The following GPHN variants were observed in gnomAD, a reference collection of about 807,000 sequenced individuals.
The protein encoded by GPHN is gephyrin.
In GPHN, 17 loss-of-function variants were observed where a neutral mutation model predicts 95.5. The observed-to-expected ratio is 0.18, with a 90% CI of 0.12 to 0.27. The LOEUF (loss-of-function observed/expected upper bound fraction) is 0.27. Among genes scored for constraint, GPHN ranks in the 10% least tolerant of loss-of-function variants. The pLI is 1.00. For missense variants in GPHN, 660 were observed against 978.1 expected (o/e 0.67, Z 4.34); for synonymous variants, 320 against 322.5 (o/e 0.99, Z 0.08).
chr14:67,010,932 ATTGT>A (rs1448173121), intron 9 of GPHN, among the ~76,000 whole-genome samples: 4 of 152,176 alleles, frequency 2.6e-5, no homozygotes, highest in Admixed American at 2.0e-4. Flanking sequence ...AAACATTGAC[ATTGT>A]TTGTTTTTAG....
At chr14:66,880,316 TTC>T (rs1007791312) in intron 5 of GPHN, among the ~76,000 whole-genome samples, 1 of 151,864 alleles carries the variant, frequency 6.6e-6, no homozygotes, top group Non-Finnish European at 1.5e-5. Context: ...AGCTTTAGTA[TTC>T]TGTCAGCCAC....
chr14:67,132,468 C>CA (rs2079780360), intron 17 of GPHN, among the ~76,000 whole-genome samples: 1 of 151,326 alleles, frequency 6.6e-6, no homozygotes, highest in Non-Finnish European at 1.5e-5. Flanking sequence ...TTATTTTCTT[C>CA]TTTTTTTTTC....
At chr14:66,627,679 G>T (rs2063574106) in intron 1 of GPHN, among the ~76,000 whole-genome samples, 1 of 152,062 alleles carries the variant, frequency 6.6e-6, no homozygotes, top group Non-Finnish European at 1.5e-5. Flanking sequence ...AGAAATGTAT[G>T]AGGTTTCACA....
chr14:66,869,034 C>T (rs1345793058), intron 4 of GPHN, among the ~76,000 whole-genome samples: 2 of 151,990 alleles, frequency 1.3e-5, no homozygotes, highest in East Asian at 1.9e-4. Context: ...TATTTTAGAC[C>T]GACTAGTTCA....
the GPHN span, among the ~76,000 whole-genome samples, chr14:67,638,219 A>G: frequency 1.3e-5 from 2 of 152,124 alleles, no homozygotes; most frequent in Admixed American, 1.3e-4. Flanking sequence ...TTAAAATAAT[A>G]TTATGTATTA....
At chr14:67,112,221 T>C (rs1440735493) in intron 15 of GPHN, among the ~76,000 whole-genome samples, 1 of 152,158 alleles carries the variant, frequency 6.6e-6, no homozygotes, top group Non-Finnish European at 1.5e-5. Flanking sequence ...ATCCCATCCC[T>C]AAATAATCTG....
At chr14:67,558,226 C>T in the GPHN span, among the ~76,000 whole-genome samples, 4 of 152,320 alleles carry the variant, frequency 2.6e-5, no homozygotes, top group South Asian at 2.1e-4. Flanking sequence ...CCCCTCGTGC[C>T]AGAATGCCAT....
intron 1 of GPHN, among the ~76,000 whole-genome samples, chr14:66,562,172 A>G (rs1372736996): frequency 1.3e-5 from 2 of 151,920 alleles, no homozygotes; most frequent in East Asian, 3.9e-4. Context: ...TCCTCCCTCT[A>G]CTCTCCTAAG....
the GPHN span, among the ~76,000 whole-genome samples, chr14:67,321,899 T>G: frequency 6.6e-6 from 1 of 152,210 alleles, no homozygotes; most frequent in Non-Finnish European, 1.5e-5. Context: ...ATTTCCCTTT[T>G]CTGATTCCGA....
At chr14:66,985,873 G>A in intron 9 of GPHN, 1 of 563,942 alleles carries the variant, frequency 1.8e-6, no homozygotes, top group Non-Finnish European at 3.1e-6. Context: ...TATTTTTATT[G>A]GCTGTTGGGT....
intron 2 of GPHN, among the ~76,000 whole-genome samples, chr14:66,742,909 A>T (rs2072917087): frequency 6.6e-6 from 1 of 151,850 alleles, no homozygotes; most frequent in Admixed American, 6.6e-5. Flanking sequence ...CCACAGGCGC[A>T]CACCGCCATG....
the GPHN span, chr14:67,208,429 T>C: frequency 1.2e-6 from 2 of 1,613,650 alleles, no homozygotes; most frequent in African/African-American, 2.7e-5. Flanking sequence ...AGAGCACAGC[T>C]CTCAAGGCTG....
chr14:66,902,399 A>G (rs912326323), intron 5 of GPHN, among the ~76,000 whole-genome samples: 5 of 151,906 alleles, frequency 3.3e-5, no homozygotes, highest in Admixed American at 6.6e-5. Context: ...CAGGACTTCC[A>G]TTTTGAAAAA....
chr14:66,859,835 A>T (rs989375433), intron 4 of GPHN, among the ~76,000 whole-genome samples: 4 of 152,200 alleles, frequency 2.6e-5, no homozygotes, highest in African/African-American at 9.6e-5. Context: ...CAATTGACAC[A>T]CCCAAGAATG....
At chr14:67,651,001 T>C in the GPHN span, 3 of 1,379,520 alleles carry the variant, frequency 2.2e-6, no homozygotes, top group Non-Finnish European at 2.0e-6. Flanking sequence ...TACTAAATGG[T>C]TGTCTGGGTC....
chr14:67,452,179 A>T, the GPHN span, among the ~76,000 whole-genome samples: 1 of 152,126 alleles, frequency 6.6e-6, no homozygotes, highest in African/African-American at 2.4e-5. Context: ...TAAAAATATA[A>T]AAATTAGCCG....
chr14:66,750,457 A>G (rs2058325217), intron 2 of GPHN, among the ~76,000 whole-genome samples: 1 of 151,958 alleles, frequency 6.6e-6, no homozygotes, highest in Non-Finnish European at 1.5e-5. Flanking sequence ...CCAGGACACC[A>G]GTAGTAGCCA....
chr14:66,899,608 G>T (rs946308450), intron 5 of GPHN, among the ~76,000 whole-genome samples: 1 of 151,772 alleles, frequency 6.6e-6, no homozygotes, highest in Non-Finnish European at 1.5e-5. Flanking sequence ...TGAATTCTTG[G>T]AGTAAACCCA....
intron 8 of GPHN, among the ~76,000 whole-genome samples, chr14:66,960,758 A>T (rs1224850537): frequency 6.6e-6 from 1 of 152,088 alleles, no homozygotes; most frequent in Non-Finnish European, 1.5e-5. Context: ...CAAGTGAGAG[A>T]ATAGAACCTT....
Sources: allele counts gnomAD v4.1 joint callset (sites outside exome capture counted in the v4.1 genomes callset), GRCh38; gene constraint gnomAD v4.1.1; transcripts MANE v1.5; gene names NCBI Gene and HGNC (gene_info 2026-07-23, HGNC 2026-07-21).